The following ASCC3 variants were observed in gnomAD, a reference collection of about 807,000 sequenced individuals.
ASCC3 encodes the protein activating signal cointegrator 1 complex subunit 3.
In ASCC3, 158 loss-of-function variants were observed where a neutral mutation model predicts 256.3. The ratio of observed to expected loss-of-function variants is 0.62; its 90% CI spans 0.54 to 0.70. The LOEUF (loss-of-function observed/expected upper bound fraction) is 0.70, where lower values mean the gene tolerates loss of function less well. Ranked by LOEUF, ASCC3 falls within the 30% of genes least tolerant of loss-of-function variation. The pLI, the probability that ASCC3 is intolerant of heterozygous loss-of-function variation, is 0.00. For synonymous variants in ASCC3, 948 were observed against 883.4 expected, an observed-to-expected ratio of 1.07 and a Z score of -1.30; for missense variants, 2,259 against 2,626.0, an observed-to-expected ratio of 0.86 and a Z score of 3.05.
At chr6:100,693,090 T>C (rs965421046) in intron 13 of ASCC3, among the ~76,000 whole-genome samples, 32 of 152,016 alleles carry the variant, frequency 2.1e-4, no homozygotes, top group African/African-American at 7.5e-4. Flanking sequence ...TATAATGATA[T>C]GAATTTAAGA....
Position 100,725,570 on chromosome 6 carries a change from A to G in ASCC3, c.1871T>C (p.Leu624Ser), listed in dbSNP as rs142828952. The change falls in exon 11 of 42, where the codon TTA (leucine) becomes TCA (serine). Residue 624 changes from leucine (L) to serine (S), a missense_variant. Physicochemically the swap from Leu to Ser is moderately radical, Grantham distance 145. Transcript: ENST00000369162. ...HLLHEDRGPV[L>S]ESIVARTLRQ... is the part of the protein sequence containing the mutation. ...TAAAGTACGGGCAACTATGCTTTCT[A>G]ATACTGGTCCTCTATCTTCATGCAG... The G allele has an allele frequency of 1.2e-6, 2 of 1,612,774 alleles. No homozygotes were observed. The highest frequency in any genetic ancestry group is 1.7e-6 in the Non-Finnish European group (2 of 1,179,088).
chr6:100,613,645 G>A (rs1412940010), intron 30 of ASCC3, among the ~76,000 whole-genome samples: 1 of 152,130 alleles, frequency 6.6e-6, no homozygotes, highest in Non-Finnish European at 1.5e-5. Context: ...ATATATGAGT[G>A]CAGGTATCTT....
chr6:100,736,175 G>A (rs1269649285), intron 10 of ASCC3, among the ~76,000 whole-genome samples: 1 of 152,224 alleles, frequency 6.6e-6, no homozygotes, highest in South Asian at 2.1e-4. Flanking sequence ...GTCTAATGAG[G>A]AAAACAGAAC....
chr6:100,843,301 C>T (rs1185633177), intron 4 of ASCC3, among the ~76,000 whole-genome samples: 1 of 152,146 alleles, frequency 6.6e-6, no homozygotes, highest in East Asian at 1.9e-4. Flanking sequence ...CACTGCTTGA[C>T]ATCAGACACA....
rs199638129 is a variant in ASCC3 at position 100,606,931 on chromosome 6, C to T, written c.4923+20G>A. On this transcript the variant is annotated intron_variant, in intron 31 of 41. Transcript: ENST00000369162. Reference sequence around the variant, plus strand: ...TTTAAGTTACATTTAAATATGTGTTCACTGGAGAAAAAAAAGTACCTGAAC... The same window carrying T: ...TTTAAGTTACATTTAAATATGTGTTTACTGGAGAAAAAAAAGTACCTGAAC... The T allele has an allele frequency of 1.3e-4, 207 of 1,612,646 alleles. 1 individual carries two copies. In the East Asian group the frequency reaches 2.5e-3, roughly 20 times the overall value.
chr6:100,570,150 A>G (rs1234470438), intron 36 of ASCC3, among the ~76,000 whole-genome samples: 1 of 152,198 alleles, frequency 6.6e-6, no homozygotes, highest in Non-Finnish European at 1.5e-5. Context: ...GAACCTTGCT[A>G]AAATCATTTG....
At chr6:100,831,333 A>G (rs1190412761) in intron 4 of ASCC3, among the ~76,000 whole-genome samples, 1 of 151,892 alleles carries the variant, frequency 6.6e-6, no homozygotes, top group Non-Finnish European at 1.5e-5. Context: ...TTAAAAAAAA[A>G]AAGGAAAAAA....
At position 100,618,993 on chromosome 6, in the gene ASCC3, C is replaced by T. The variant is rs140481236; in HGVS notation, c.4785+6199G>A. Among the ~76,000 whole-genome samples the T allele has an allele frequency of 3.7e-4, 57 of 152,230 alleles. 2 individuals are homozygous for T. In the East Asian group the frequency reaches 0.011, roughly 29 times the overall value. On this transcript the variant is annotated intron_variant, in intron 30 of 41. Coordinates refer to ENST00000369162, the MANE Select transcript of ASCC3 (RefSeq NM_006828.4). ...ATTATGTTCTCATTAATAGAAAGAG[C>T]TGGTTTTATAGATTAAAGATTCAGA...
intron 10 of ASCC3, among the ~76,000 whole-genome samples, chr6:100,734,125 G>A (rs1780032200): frequency 6.6e-6 from 1 of 152,066 alleles, no homozygotes; most frequent in Non-Finnish European, 1.5e-5. Context: ...TGGGGGCAAG[G>A]AAGCTTTTGT....
intron 8 of ASCC3, among the ~76,000 whole-genome samples, chr6:100,776,948 C>T (rs185846748): frequency 6.6e-6 from 1 of 152,006 alleles, no homozygotes; most frequent in Admixed American, 6.6e-5. Flanking sequence ...TCTTCGGCTC[C>T]CTATAAAATG....
intron 10 of ASCC3, among the ~76,000 whole-genome samples, chr6:100,765,406 A>G (rs993204669): frequency 3.3e-5 from 5 of 152,168 alleles, no homozygotes; most frequent in African/African-American, 1.2e-4. Flanking sequence ...AAGTCTGATA[A>G]GAAACATTTA....
intron 36 of ASCC3, among the ~76,000 whole-genome samples, chr6:100,578,553 A>T (rs1163728844): frequency 6.6e-6 from 1 of 152,068 alleles, no homozygotes; most frequent in African/African-American, 2.4e-5. Flanking sequence ...ACGTAGGATT[A>T]TGGCCTCCAA....
chr6:100,822,530 C>T (rs1242635433), intron 4 of ASCC3, among the ~76,000 whole-genome samples: 5 of 115,608 alleles, frequency 4.3e-5, no homozygotes, highest in East Asian at 2.4e-4. Flanking sequence ...AGCAAGACTC[C>T]GTCTCCAAAA....
chr6:100,848,218 A>G lies in ASCC3; in HGVS notation c.731T>C (p.Val244Ala). 6.2e-7 allele frequency: 1 copy of G among 1,613,840 alleles called. No individual in the cohort carries two copies. The highest frequency in any genetic ancestry group is 8.5e-7 in the Non-Finnish European group (1 of 1,179,926). The change falls in exon 4 of 42, where the codon GTA becomes GCA. Residue 244 changes from valine (V) to alanine (A), a missense_variant. Physicochemically the swap from Val to Ala is moderately conservative, Grantham distance 64. This residue lies in a region of ASCC3 where 420 missense variants were observed against 419.3 expected (regional missense o/e 1.00). Coordinates refer to ENST00000369162, the MANE Select transcript of ASCC3 (RefSeq NM_006828.4). The stretch of plus-strand genomic sequence containing the variant: ...ATATAAAGTACAGCAAAGATCTTCT[A>G]CTCTTGGCACTTCAGTCATTTCCTT... ...TLKEMTEVPRVEDLCCTLYDM... is the reference protein window; with the variant it reads ...TLKEMTEVPRAEDLCCTLYDM...
chr6:100,692,995 T>A (rs1027636163), intron 13 of ASCC3, among the ~76,000 whole-genome samples: 1 of 151,842 alleles, frequency 6.6e-6, no homozygotes, highest in African/African-American at 2.4e-5. Context: ...AAGGAAAAAA[T>A]TAGAATATTA....
intron 3 of ASCC3, chr6:100,858,118 G>T: frequency 2.7e-6 from 1 of 376,562 alleles, no homozygotes; most frequent in Non-Finnish European, 3.6e-6. Flanking sequence ...TGATGCTTTT[G>T]TAAACGTAAA....
chr6:100,540,243 G>C lies in ASCC3; in HGVS notation c.5695C>G (p.Leu1899Val). The stretch of plus-strand genomic sequence containing the variant: ...GGGCAGGGTAGCATGGCTCGGCTGA[G>C]ATGTGCCTGTAGCAGGAGATGTGCT... ...TKAHLLLQAH[L>V]SRAMLPCPDY... Residue 1899 changes from leucine to valine, a missense_variant, in exon 37 of 42, where the codon CTC becomes GTC. Around this residue, in one of 2 missense-constraint regions of ASCC3, gnomAD observed 1,839 missense variants for 2,206.7 expected, o/e 0.83. Transcript: ENST00000369162. The C allele has an allele frequency of 1.2e-6, 2 of 1,614,106 alleles. No individual in the cohort carries two copies. Among genetic ancestry groups the C allele is most frequent in the South Asian group, 1.1e-5 (1 of 91,072 alleles).
chr6:100,704,158 A>G (rs372085514), intron 13 of ASCC3, among the ~76,000 whole-genome samples: 24 of 151,962 alleles, frequency 1.6e-4, no homozygotes, highest in East Asian at 1.4e-3. Context: ...TGATTCCTTT[A>G]GATTTTCTTG....
chr6:100,738,068 GT>G (rs1400550040), intron 10 of ASCC3, among the ~76,000 whole-genome samples: 3 of 151,638 alleles, frequency 2.0e-5, no homozygotes, highest in Non-Finnish European at 4.4e-5. Context: ...TTTTAATAAG[GT>G]TTTTTTTCTT....
Sources: gnomAD v4.1 joint callset for allele counts (sites outside exome capture counted in the v4.1 genomes callset) on GRCh38, gnomAD v4.1.1 for gene constraint, gnomAD v4.1.1 regional missense constraint, MANE v1.5 for transcripts, NCBI Gene and HGNC (gene_info 2026-07-23, HGNC 2026-07-21) for gene names.